The following DLGAP2 variants were observed in gnomAD, a reference collection of about 807,000 sequenced individuals.
DLGAP2 encodes DLG associated protein 2.
DLGAP2 carries 26 observed loss-of-function variants against 100.3 expected under a neutral mutation model. That is an observed-to-expected ratio of 0.26 (90% CI 0.19 to 0.36). The LOEUF (loss-of-function observed/expected upper bound fraction) is 0.36. DLGAP2 is among the 10% of genes least tolerant of loss of function. The probability of loss-of-function intolerance (pLI) is 1.00; values close to 1 mark genes in which losing one functional copy is unlikely to be tolerated. For missense variants in DLGAP2, 1,858 were observed against 1,453.2 expected (o/e 1.28, Z -4.53); for synonymous variants, 886 against 630.1 (o/e 1.41, Z -6.08).
intron 2 of DLGAP2, among the ~76,000 whole-genome samples, chr8:1,164,409 T>G (rs1013709930): frequency 1.1e-4 from 17 of 152,320 alleles, no homozygotes; most frequent in African/African-American, 4.1e-4. Context: ...TCGTTTTGGT[T>G]TCTCTGGAGC....
intron 1 of DLGAP2, among the ~76,000 whole-genome samples, chr8:831,525 TC>T (rs1184519386): frequency 1.3e-5 from 2 of 152,174 alleles, no homozygotes; most frequent in African/African-American, 4.8e-5. Flanking sequence ...TTCATCCATG[TC>T]CCTGCAAAGG....
chr8:913,768 G>C (rs554624125), intron 2 of DLGAP2, among the ~76,000 whole-genome samples: 1 of 152,372 alleles, frequency 6.6e-6, no homozygotes, highest in South Asian at 2.1e-4. Context: ...CGCTAAGTCA[G>C]TATGTGATAC....
chr8:799,541 A>T (rs1796105116), intron 1 of DLGAP2, among the ~76,000 whole-genome samples: 1 of 152,164 alleles, frequency 6.6e-6, no homozygotes, highest in South Asian at 2.1e-4. Context: ...CCACATTATG[A>T]CAATGCATAT....
chr8:947,456 T>C (rs1799357314), intron 2 of DLGAP2, among the ~76,000 whole-genome samples: 1 of 152,214 alleles, frequency 6.6e-6, no homozygotes, highest in African/African-American at 2.4e-5. Flanking sequence ...GGCTCAGCCC[T>C]GCCCTTACAC....
At chr8:957,705 T>A (rs1799627887) in intron 2 of DLGAP2, among the ~76,000 whole-genome samples, 1 of 152,224 alleles carries the variant, frequency 6.6e-6, no homozygotes, top group African/African-American at 2.4e-5. Context: ...CAGTCTAGTT[T>A]TATTAATCTT....
At chr8:773,962 T>C (rs1159983740) in intron 1 of DLGAP2, among the ~76,000 whole-genome samples, 4 of 152,308 alleles carry the variant, frequency 2.6e-5, no homozygotes, top group East Asian at 1.9e-4. Context: ...ACAGTCCCAC[T>C]AACAGTGTAA....
At chr8:1,289,759 C>G (rs567137174) in intron 3 of DLGAP2, among the ~76,000 whole-genome samples, 1 of 152,116 alleles carries the variant, frequency 6.6e-6, no homozygotes, top group Non-Finnish European at 1.5e-5. Context: ...GCCTCCCCCG[C>G]GAATGCAGGA....
At chr8:1,048,353 A>C (rs1423478970) in intron 2 of DLGAP2, among the ~76,000 whole-genome samples, 1 of 152,038 alleles carries the variant, frequency 6.6e-6, no homozygotes, top group Non-Finnish European at 1.5e-5. Context: ...GTTCCATCTG[A>C]CTTCAAAGCC....
intron 12 of DLGAP2, among the ~76,000 whole-genome samples, chr8:1,683,278 G>A (rs1799005543): frequency 6.6e-6 from 1 of 151,624 alleles, no homozygotes; most frequent in Non-Finnish European, 1.5e-5. Context: ...GTTGGATTTG[G>A]TCAAGGTGGT....
chr8:1,432,982 C>A (rs955513107), intron 3 of DLGAP2, among the ~76,000 whole-genome samples: 1 of 152,164 alleles, frequency 6.6e-6, no homozygotes, highest in Non-Finnish European at 1.5e-5. Context: ...TGCTCCAGGA[C>A]TCACAGGCGG....
intron 1 of DLGAP2, among the ~76,000 whole-genome samples, chr8:836,728 G>T (rs1462266111): frequency 5.3e-5 from 8 of 152,194 alleles, no homozygotes; most frequent in Admixed American, 3.9e-4. Flanking sequence ...CCAGGGCCGC[G>T]TTGCTAAGGA....
intron 3 of DLGAP2, among the ~76,000 whole-genome samples, chr8:1,356,982 A>T (rs1043703144): frequency 5.3e-5 from 8 of 152,182 alleles, no homozygotes; most frequent in African/African-American, 1.9e-4. Context: ...TGTGCTCATA[A>T]CCTGGAACAC....
At chr8:1,484,041 C>T (rs1799176203) in intron 3 of DLGAP2, among the ~76,000 whole-genome samples, 2 of 152,242 alleles carry the variant, frequency 1.3e-5, no homozygotes, top group South Asian at 4.1e-4. Flanking sequence ...AAGAGGACCA[C>T]AGCAGTCCAT....
intron 2 of DLGAP2, among the ~76,000 whole-genome samples, chr8:1,114,785 T>G (rs921740724): frequency 6.6e-6 from 1 of 152,218 alleles, no homozygotes; most frequent in African/African-American, 2.4e-5. Context: ...AATTGTGATG[T>G]TAGGTAGTTA....
intron 1 of DLGAP2, among the ~76,000 whole-genome samples, chr8:778,500 A>G (rs1821590840): frequency 6.6e-6 from 1 of 152,078 alleles, no homozygotes; most frequent in African/African-American, 2.4e-5. Flanking sequence ...GTCTTTGATG[A>G]TGGTGATATA....
chr8:801,553 C>G (rs867129243), intron 1 of DLGAP2, among the ~76,000 whole-genome samples: 2 of 152,182 alleles, frequency 1.3e-5, no homozygotes, highest in African/African-American at 4.8e-5. Flanking sequence ...CTGCCTGGTT[C>G]GGCCTTAGCC....
intron 2 of DLGAP2, among the ~76,000 whole-genome samples, chr8:1,166,033 G>A (rs536695219): frequency 3.3e-5 from 5 of 152,248 alleles, no homozygotes; most frequent in South Asian, 4.1e-4. Context: ...ATAATCTCCC[G>A]TCAGTAACCC....
intron 2 of DLGAP2, among the ~76,000 whole-genome samples, chr8:1,204,445 C>T (rs1490832102): frequency 6.6e-6 from 1 of 152,230 alleles, no homozygotes; most frequent in African/African-American, 2.4e-5. Flanking sequence ...CCAGGCTGAC[C>T]GTGTAATGAC....
intron 1 of DLGAP2, among the ~76,000 whole-genome samples, chr8:841,094 T>C (rs1486920922): frequency 6.6e-6 from 1 of 152,224 alleles, no homozygotes; most frequent in African/African-American, 2.4e-5. Context: ...TGAACTTGTT[T>C]CTATAAAACA....
Sources: gnomAD v4.1 joint callset for allele counts (sites outside exome capture counted in the v4.1 genomes callset) on GRCh38, gnomAD v4.1.1 for gene constraint, MANE v1.5 for transcripts, NCBI Gene and HGNC (gene_info 2026-07-23, HGNC 2026-07-21) for gene names.